The following PTPRT variants were observed in gnomAD, a reference collection of about 807,000 sequenced individuals.
The protein encoded by PTPRT is protein tyrosine phosphatase receptor type T.
In PTPRT, 56 loss-of-function variants were observed where a neutral mutation model predicts 176.8. The ratio of observed to expected loss-of-function variants is 0.32; its 90% CI spans 0.26 to 0.40. The LOEUF (loss-of-function observed/expected upper bound fraction) is 0.40. PTPRT is among the 10% of genes least tolerant of loss of function. PTPRT has a pLI of 1.00. For synonymous variants in PTPRT, 783 were observed against 739.0 expected, an observed-to-expected ratio of 1.06 and a Z score of -0.96; for missense variants, 1,540 against 1,908.2, an observed-to-expected ratio of 0.81 and a Z score of 3.60.
rs74425876 is a variant in PTPRT, at chr20:42,779,350, A to C, written c.568+868T>G. Among the ~76,000 whole-genome samples, 823 of 152,308 alleles carry C rather than the reference A, an allele frequency of 5.4e-3. 8 individuals carry two copies. Among genetic ancestry groups the C allele is most frequent in the African/African-American group, 0.019 (792 of 41,560 alleles). ...ACTCATGCCCATATGGGAGGAGTGG[A>C]GAGAGCCCACAGGGGGTTACCTAGA... is the stretch of plus-strand genomic sequence containing the variant. On this transcript the variant is annotated intron_variant, in intron 4 of 30. Transcript: ENST00000373187.
the PTPRT span, among the ~76,000 whole-genome samples, chr20:42,039,994 T>C: frequency 6.6e-6 from 1 of 152,086 alleles, no homozygotes; most frequent in Non-Finnish European, 1.5e-5. Flanking sequence ...CTACTTCTAA[T>C]TTTTTGAGGA....
intron 15 of PTPRT, among the ~76,000 whole-genome samples, chr20:42,212,789 T>C (rs887029998): frequency 1.2e-4 from 19 of 152,318 alleles, no homozygotes; most frequent in Admixed American, 9.8e-4. Flanking sequence ...ATATTTTAAA[T>C]ACAAAAAAAT....
chr20:43,066,887 G>A (rs1253210520), intron 1 of PTPRT, among the ~76,000 whole-genome samples: 1 of 152,178 alleles, frequency 6.6e-6, no homozygotes, highest in Non-Finnish European at 1.5e-5. Flanking sequence ...TATTTTCTCT[G>A]GCACTTTTTG....
intron 2 of PTPRT, among the ~76,000 whole-genome samples, chr20:42,811,389 T>A (rs888675675): frequency 6.6e-6 from 1 of 152,200 alleles, no homozygotes; most frequent in Non-Finnish European, 1.5e-5. Flanking sequence ...ACTTTAAGTT[T>A]TTTTTTAACA....
At chr20:42,292,241 A>G (rs1490091426) in intron 12 of PTPRT, among the ~76,000 whole-genome samples, 1 of 151,898 alleles carries the variant, frequency 6.6e-6, no homozygotes, top group South Asian at 2.1e-4. Context: ...CCCTTAAGCT[A>G]TTGTTTAGCC....
chr20:42,108,707 GGAGAAAGAAAACATTAAGAGGAGGCA>G (rs1286702888), intron 23 of PTPRT, among the ~76,000 whole-genome samples: 1 of 152,082 alleles, frequency 6.6e-6, no homozygotes. Context: ...CTGGGGAGGG[GGAGAAAGAAAACATTAAGAGGAGGCA>G]GAGAATAATG....
chr20:42,494,348 T>C (rs1160044402), intron 7 of PTPRT, among the ~76,000 whole-genome samples: 2 of 152,306 alleles, frequency 1.3e-5, no homozygotes, highest in East Asian at 3.9e-4. Flanking sequence ...GGGGAGGTTC[T>C]AGTTATAAAG....
At chr20:42,129,018 CA>C (rs914631350) in intron 18 of PTPRT, among the ~76,000 whole-genome samples, 188 bp from the exon 19 acceptor site, 17 of 152,292 alleles carry the variant, frequency 1.1e-4, no homozygotes, top group African/African-American at 4.1e-4. Context: ...GGGAGGTAAG[CA>C]CTTCTCATTT....
chr20:42,953,877 G>A (rs888116610), intron 1 of PTPRT, among the ~76,000 whole-genome samples: 1 of 152,094 alleles, frequency 6.6e-6, no homozygotes. Context: ...TCTTTCCTCT[G>A]GATATCATTA....
chr20:43,124,873 G>A (rs1424349232), intron 1 of PTPRT, among the ~76,000 whole-genome samples: 1 of 152,230 alleles, frequency 6.6e-6, no homozygotes, highest in Admixed American at 6.5e-5. Flanking sequence ...GAAAAGACTG[G>A]AGTGTTAGAA....
chr20:43,081,131 T>C (rs2146287741), intron 1 of PTPRT, among the ~76,000 whole-genome samples: 1 of 152,364 alleles, frequency 6.6e-6, no homozygotes, highest in Admixed American at 6.5e-5. Flanking sequence ...ACTGAGGATA[T>C]AAATTTGGTA....
chr20:42,758,036 T>C (rs1034317232), intron 5 of PTPRT, among the ~76,000 whole-genome samples: 1 of 152,216 alleles, frequency 6.6e-6, no homozygotes, highest in African/African-American at 2.4e-5. Flanking sequence ...TTTAACTAAA[T>C]GTGTAGAGTA....
chr20:42,867,611 C>A (rs1024616838), intron 2 of PTPRT, among the ~76,000 whole-genome samples: 1 of 151,364 alleles, frequency 6.6e-6, no homozygotes, highest in African/African-American at 2.4e-5. Flanking sequence ...AGCCTGCTGG[C>A]ACCTTGATCT....
At chr20:42,435,644 G>A (rs2059256027) in intron 9 of PTPRT, among the ~76,000 whole-genome samples, 1 of 152,132 alleles carries the variant, frequency 6.6e-6, no homozygotes, top group African/African-American at 2.4e-5. Context: ...ATAAAACTAT[G>A]AGAGATATTA....
At chr20:42,124,172 T>C (rs187194578) in intron 19 of PTPRT, among the ~76,000 whole-genome samples, 14 of 152,290 alleles carry the variant, frequency 9.2e-5, no homozygotes, top group South Asian at 4.1e-4. Context: ...TACTGCTCAA[T>C]TGGGGCTCCT....
intron 2 of PTPRT, among the ~76,000 whole-genome samples, chr20:42,839,307 G>GT (rs879401385): frequency 0.17 from 23,500 of 136,370 alleles, 1,960 homozygotes; most frequent in Non-Finnish European, 0.2. Context: ...TGTTCACTCT[G>GT]TTTTTTTTTT....
intron 1 of PTPRT, among the ~76,000 whole-genome samples, chr20:42,924,777 T>C (rs1979376772): frequency 6.6e-6 from 1 of 152,234 alleles, no homozygotes; most frequent in South Asian, 2.1e-4. Context: ...GGAGATTTGA[T>C]CACAGGTCAG....
chr20:42,594,609 A>G (rs2073638071), intron 7 of PTPRT, among the ~76,000 whole-genome samples: 1 of 152,240 alleles, frequency 6.6e-6, no homozygotes, highest in Admixed American at 6.5e-5. Flanking sequence ...AGATGTGCAC[A>G]GTATTTAATG....
intron 18 of PTPRT, among the ~76,000 whole-genome samples, chr20:42,134,721 C>T (rs996871025): frequency 2.0e-5 from 3 of 152,116 alleles, no homozygotes; most frequent in South Asian, 2.1e-4. Context: ...CCACCATGAC[C>T]GATTTCAAGC....
Sources: allele counts gnomAD v4.1 joint callset (sites outside exome capture counted in the v4.1 genomes callset), GRCh38; gene constraint gnomAD v4.1.1; transcripts MANE v1.5; gene names NCBI Gene and HGNC (gene_info 2026-07-23, HGNC 2026-07-21).